Variants in LRRC1 observed in about 807,000 individuals in gnomAD.
LRRC1 encodes the protein leucine-rich repeat-containing protein 1.
LRRC1 carries 28 observed loss-of-function variants against 69.9 expected under a neutral mutation model. The ratio of observed to expected loss-of-function variants is 0.40; its 90% CI spans 0.30 to 0.55. LRRC1 has a LOEUF of 0.55. Ranked by LOEUF, LRRC1 falls within the 20% of genes least tolerant of loss-of-function variation. The probability of loss-of-function intolerance (pLI) is 0.47; values close to 1 mark genes in which losing one functional copy is unlikely to be tolerated. For missense variants in LRRC1, 498 were observed against 609.0 expected (o/e 0.82, Z 1.92); for synonymous variants, 236 against 240.2 (o/e 0.98, Z 0.16).
At chr6:53,851,438 T>C (rs1244962540) in intron 2 of LRRC1, among the ~76,000 whole-genome samples, 2 of 150,860 alleles carry the variant, frequency 1.3e-5, no homozygotes, top group Non-Finnish European at 2.9e-5. Flanking sequence ...ATGTTCTAGC[T>C]CAAACAGGCA....
At chr6:53,834,996 G>A (rs1562036170) in intron 1 of LRRC1, among the ~76,000 whole-genome samples, 1 of 152,088 alleles carries the variant, frequency 6.6e-6, no homozygotes, top group African/African-American at 2.4e-5. Context: ...ATAAATAAAA[G>A]TATCTGTGTA....
rs76826141 is a variant in LRRC1, at chr6:53,867,260, C to T, written c.278-11733C>T. On this transcript the variant is annotated intron_variant, in intron 2 of 13. Coordinates refer to ENST00000370888, the MANE Select transcript of LRRC1 (RefSeq NM_018214.5). Reference sequence around the variant, plus strand: ...AGAATTGTGCCTCACACTTAGTAGGCGCTCAGTAAAGTTCTGCCGCTGCAG... The same window carrying T: ...AGAATTGTGCCTCACACTTAGTAGGTGCTCAGTAAAGTTCTGCCGCTGCAG... Among the ~76,000 whole-genome samples the T allele has an allele frequency of 8.7e-3, 1,318 of 152,090 alleles. 24 individuals carry two copies. Among genetic ancestry groups the T allele is most frequent in the African/African-American group, 0.029 (1,204 of 41,408 alleles).
At chr6:53,915,840 T>C (rs1416781584) in intron 11 of LRRC1, among the ~76,000 whole-genome samples, 1 of 152,210 alleles carries the variant, frequency 6.6e-6, no homozygotes, top group Admixed American at 6.5e-5. Flanking sequence ...CACTACTTAT[T>C]AAAAGTATCA....
In LRRC1 at chr6:53,899,911, A is replaced by G. The variant is rs1182640020; in HGVS notation, c.787+20A>G. 1 of 1,609,952 alleles carries G rather than the reference A, an allele frequency of 6.2e-7. No individual in the cohort carries two copies. Among genetic ancestry groups the G allele is most frequent in the South Asian group, 1.1e-5 (1 of 90,612 alleles). ...GCATTGGTAAGCATTGGAAATCACTAACTGCTAAACATACTGCCTGCCGTC... is the reference window on the plus strand; with the variant it reads ...GCATTGGTAAGCATTGGAAATCACTGACTGCTAAACATACTGCCTGCCGTC... On this transcript the variant is annotated intron_variant, in intron 8 of 13. Transcript: ENST00000370888.
chr6:53,882,425 A>G (rs1767323456), intron 3 of LRRC1, among the ~76,000 whole-genome samples: 1 of 152,250 alleles, frequency 6.6e-6, no homozygotes, highest in Admixed American at 6.5e-5. Context: ...ATTATAAACT[A>G]CAGGAAGAAA....
chr6:53,847,726 A>G (rs772341594), intron 2 of LRRC1, among the ~76,000 whole-genome samples: 2 of 152,284 alleles, frequency 1.3e-5, no homozygotes, highest in South Asian at 4.1e-4. Flanking sequence ...TGTTTGGTCT[A>G]TAGCTATGGA....
chr6:53,802,240 T>A (rs1764506950), intron 1 of LRRC1, among the ~76,000 whole-genome samples: 1 of 152,144 alleles, frequency 6.6e-6, no homozygotes, highest in Non-Finnish European at 1.5e-5. Context: ...GAAAGATCAT[T>A]CTGGGGCAGA....
intron 4 of LRRC1, among the ~76,000 whole-genome samples, chr6:53,892,818 C>A (rs575727465): frequency 2.0e-5 from 3 of 152,204 alleles, no homozygotes; most frequent in African/African-American, 7.2e-5. Flanking sequence ...CCAAGGCAAG[C>A]TACTGATGTG....
intron 2 of LRRC1, among the ~76,000 whole-genome samples, chr6:53,852,293 T>G (rs1256390103): frequency 1.3e-5 from 2 of 152,246 alleles, no homozygotes; most frequent in African/African-American, 2.4e-5. Flanking sequence ...GATGCTGTAA[T>G]TCTATCATCT....
intron 11 of LRRC1, among the ~76,000 whole-genome samples, chr6:53,918,202 A>G (rs1768629459): frequency 6.6e-6 from 1 of 152,252 alleles, no homozygotes; most frequent in Admixed American, 6.5e-5. Context: ...GTACTTTAAC[A>G]TAAGCAGTTC....
chr6:53,919,244 T>C (rs963512761), intron 11 of LRRC1: 3 of 190,906 alleles, frequency 1.6e-5, no homozygotes, highest in African/African-American at 4.9e-5. Flanking sequence ...TTTTTTTTTT[T>C]TTTTTTTTTT....
chr6:53,854,184 T>G (rs1766237692), intron 2 of LRRC1, among the ~76,000 whole-genome samples: 1 of 152,230 alleles, frequency 6.6e-6, no homozygotes, highest in African/African-American at 2.4e-5. Flanking sequence ...CCAATAAGCT[T>G]GCCTCTTTGA....
chr6:53,896,717 C>A, intron 5 of LRRC1, 112 bp from the exon 6 acceptor site: 1 of 977,040 alleles, frequency 1.0e-6, no homozygotes, highest in Non-Finnish European at 1.6e-6. Context: ...ATATTTTCTA[C>A]CATAAAAATA....
At chr6:53,888,635 C>G (rs1767573168) in intron 4 of LRRC1, among the ~76,000 whole-genome samples, 1 of 152,102 alleles carries the variant, frequency 6.6e-6, no homozygotes, top group Admixed American at 6.5e-5. Flanking sequence ...GTCTTTTTAA[C>G]AAATGCTGTT....
At chr6:53,856,674 C>T (rs911471027) in intron 2 of LRRC1, among the ~76,000 whole-genome samples, 4 of 152,178 alleles carry the variant, frequency 2.6e-5, no homozygotes, top group African/African-American at 9.7e-5. Context: ...AGGGAGATGA[C>T]AGCAAGATCA....
At chr6:53,815,702 A>G (rs992996276) in intron 1 of LRRC1, among the ~76,000 whole-genome samples, 1 of 152,168 alleles carries the variant, frequency 6.6e-6, no homozygotes, top group Non-Finnish European at 1.5e-5. Context: ...TCAGTGGACA[A>G]ACTTAAGCAA....
chr6:53,914,770 T>G (rs568175723), intron 11 of LRRC1, among the ~76,000 whole-genome samples: 1 of 152,318 alleles, frequency 6.6e-6, no homozygotes, highest in South Asian at 2.1e-4. Flanking sequence ...CACTCAAGCT[T>G]TATTTTCTCC....
intron 1 of LRRC1, among the ~76,000 whole-genome samples, chr6:53,822,584 G>A (rs1440333088): frequency 6.6e-6 from 1 of 152,190 alleles, no homozygotes; most frequent in East Asian, 1.9e-4. Flanking sequence ...TGGGCTTTAG[G>A]CCAGGCCCTG....
intron 1 of LRRC1, among the ~76,000 whole-genome samples, chr6:53,838,847 T>A (rs982367992): frequency 1.3e-5 from 2 of 152,184 alleles, no homozygotes; most frequent in Non-Finnish European, 2.9e-5. Flanking sequence ...TTTGCTGAGA[T>A]TTATAGTTCA....
Sources: gnomAD v4.1 joint callset for allele counts (sites outside exome capture counted in the v4.1 genomes callset) on GRCh38, gnomAD v4.1.1 for gene constraint, MANE v1.5 for transcripts, NCBI Gene and HGNC (gene_info 2026-07-23, HGNC 2026-07-21) for gene names.